The following IQGAP1 variants were observed in gnomAD, a reference collection of about 807,000 sequenced individuals.
IQGAP1 encodes the protein ras GTPase-activating-like protein IQGAP1.
Under a neutral mutation model 215.6 loss-of-function variants are expected in IQGAP1, and 66 were observed. The ratio of observed to expected loss-of-function variants is 0.31; its 90% CI spans 0.25 to 0.38. The LOEUF (loss-of-function observed/expected upper bound fraction) is 0.38. Among genes scored for constraint, IQGAP1 ranks in the 10% least tolerant of loss-of-function variants. The pLI, the probability that IQGAP1 is intolerant of heterozygous loss-of-function variation, is 1.00. For synonymous variants in IQGAP1, 772 were observed against 728.7 expected (o/e 1.06, Z -0.96); for missense variants, 1,712 against 1,997.1 (o/e 0.86, Z 2.72).
intron 30 of IQGAP1, among the ~76,000 whole-genome samples, chr15:90,485,040 G>A (rs980677928): frequency 1.3e-5 from 2 of 152,158 alleles, no homozygotes; most frequent in South Asian, 4.2e-4. Flanking sequence ...ACATGATCTA[G>A]AATACTAGCT....
At chr15:90,493,071 C>A (rs1966227831) in intron 35 of IQGAP1, among the ~76,000 whole-genome samples, 1 of 152,020 alleles carries the variant, frequency 6.6e-6, no homozygotes, top group African/African-American at 2.4e-5. Flanking sequence ...GGTGATACCC[C>A]ATCTCTACTA....
At chr15:90,401,860 A>C (rs1345739109) in intron 2 of IQGAP1, among the ~76,000 whole-genome samples, 1 of 152,224 alleles carries the variant, frequency 6.6e-6, no homozygotes, top group Non-Finnish European at 1.5e-5. Flanking sequence ...AAGCAGAATG[A>C]TGATGAAATT....
intron 2 of IQGAP1, among the ~76,000 whole-genome samples, chr15:90,395,467 C>A (rs985132193): frequency 6.6e-6 from 1 of 152,028 alleles, no homozygotes; most frequent in South Asian, 2.1e-4. Context: ...ACTACAGGCG[C>A]CCACCACCAC....
chr15:90,442,049 A>G (rs1596267884), intron 8 of IQGAP1, among the ~76,000 whole-genome samples: 2 of 152,328 alleles, frequency 1.3e-5, no homozygotes, highest in East Asian at 3.9e-4. Context: ...AATTTTATAT[A>G]AATAAAATTC....
intron 9 of IQGAP1, among the ~76,000 whole-genome samples, chr15:90,447,989 G>A (rs1326334004): frequency 6.6e-6 from 1 of 152,162 alleles, no homozygotes; most frequent in Non-Finnish European, 1.5e-5. Flanking sequence ...TGGGTGGAGT[G>A]TGTTCAGGAA....
At chr15:90,487,620 G>A in intron 33 of IQGAP1, 38 bp downstream of exon 33, 2 of 1,378,662 alleles carry the variant, frequency 1.5e-6, no homozygotes, top group Non-Finnish European at 2.1e-6. Flanking sequence ...TTGTTTGGTA[G>A]ATAAGCTCTC....
At chr15:90,455,949 A>G (rs1450599528) in intron 14 of IQGAP1, among the ~76,000 whole-genome samples, 1 of 152,214 alleles carries the variant, frequency 6.6e-6, no homozygotes, top group Non-Finnish European at 1.5e-5. Flanking sequence ...TGAGCATTCA[A>G]TAGGAATATG....
At chr15:90,407,633 C>T (rs898552519) in intron 2 of IQGAP1, among the ~76,000 whole-genome samples, 1 of 152,128 alleles carries the variant, frequency 6.6e-6, no homozygotes, top group African/African-American at 2.4e-5. Flanking sequence ...AGTATTTTCT[C>T]GTTATTTAAA....
rs571796712 is a variant in IQGAP1, at chr15:90,430,963, T to C, written c.390+1297T>C. On this transcript the variant is annotated intron_variant, in intron 4 of 37. Coordinates refer to ENST00000268182, the MANE Select transcript of IQGAP1 (RefSeq NM_003870.4). ...TTATACAATATATTACAATATAGAATATATTGTAATATAATTTTACAATAT... is the reference window on the plus strand; with the variant it reads ...TTATACAATATATTACAATATAGAACATATTGTAATATAATTTTACAATAT... Among the ~76,000 whole-genome samples the C allele has an allele frequency of 2.7e-5, 4 of 148,006 alleles. No individual in the cohort carries two copies. The East Asian group carries it at 7.8e-4, about 29-fold the overall frequency.
chr15:90,405,013 A>G (rs1161343447), intron 2 of IQGAP1, among the ~76,000 whole-genome samples: 3 of 152,218 alleles, frequency 2.0e-5, no homozygotes, highest in Non-Finnish European at 4.4e-5. Flanking sequence ...GAGATTATAT[A>G]AAAACATTCT....
intron 2 of IQGAP1, among the ~76,000 whole-genome samples, chr15:90,412,013 A>G (rs1177216232): frequency 1.3e-5 from 2 of 152,178 alleles, no homozygotes; most frequent in Non-Finnish European, 2.9e-5. Flanking sequence ...ACCCATCACT[A>G]TGATCTAGTT....
At chr15:90,456,480 C>G (rs760059819) in intron 15 of IQGAP1, among the ~76,000 whole-genome samples, 165 bp downstream of exon 15, 1 of 152,146 alleles carries the variant, frequency 6.6e-6, no homozygotes, top group East Asian at 1.9e-4. Context: ...ATAGGCTCCA[C>G]CTACTAGGAG....
rs533906778 is a variant in IQGAP1 at position 90,417,336 on chromosome 15, T to G, written c.156-8774T>G. Among the ~76,000 whole-genome samples, 336 of 152,328 alleles carry G rather than the reference T, an allele frequency of 2.2e-3. 1 individual carries two copies. The highest frequency in any genetic ancestry group is 7.8e-3 in the African/African-American group (323 of 41,572). On this transcript the variant is annotated intron_variant, in intron 2 of 37. Coordinates refer to ENST00000268182, the MANE Select transcript of IQGAP1 (RefSeq NM_003870.4). ...GGTTTTCTTCTAGGGTTTTTATGGTTTTAGGTCTAACATTTAAGTCTTTAA... is the reference window on the plus strand; with the variant it reads ...GGTTTTCTTCTAGGGTTTTTATGGTGTTAGGTCTAACATTTAAGTCTTTAA...
At chr15:90,471,529 C>T (rs1206645800) in intron 18 of IQGAP1, among the ~76,000 whole-genome samples, 2 of 147,182 alleles carry the variant, frequency 1.4e-5, no homozygotes, top group African/African-American at 2.6e-5. Context: ...AGCGGAGTTT[C>T]GCTCTTGTTG....
At position 90,501,276 on chromosome 15, in the gene IQGAP1, C is replaced by T. The variant is rs1163614007; in HGVS notation, c.*1168C>T. On this transcript the variant is annotated 3_prime_UTR_variant, in exon 38 of 38. Transcript: ENST00000268182. Reference sequence around the variant, plus strand: ...TTCTCCTTTTTTCTCTTGCTGCCCACATTGTGCCTTTATTTTATGAGCCCC... The same window carrying T: ...TTCTCCTTTTTTCTCTTGCTGCCCATATTGTGCCTTTATTTTATGAGCCCC... 6.6e-6 allele frequency: 1 copy of T among 151,384 alleles called. No homozygotes were observed. The highest frequency in any genetic ancestry group is 1.5e-5 in the Non-Finnish European group (1 of 67,948). The allele number at this position is 151,384 out of a possible 1,614,324, so 9.4% of individuals were successfully genotyped here.
intron 18 of IQGAP1, among the ~76,000 whole-genome samples, chr15:90,468,750 G>A (rs1965865971): frequency 6.6e-6 from 1 of 152,088 alleles, no homozygotes; most frequent in Non-Finnish European, 1.5e-5. Context: ...AGGATCACTT[G>A]AGCCCGGGAG....
intron 31 of IQGAP1, chr15:90,486,355 T>G (rs1411294011): frequency 2.8e-6 from 1 of 361,380 alleles, no homozygotes; most frequent in Admixed American, 4.5e-5. Context: ...GAAAAGATCA[T>G]TTTAAACGCA....
At position 90,492,673 on chromosome 15, in the gene IQGAP1, T is replaced by C; in HGVS notation, c.4590T>C (p.Tyr1530=). The C allele has an allele frequency of 6.2e-7, 1 of 1,612,908 alleles. No individual in the cohort carries two copies. Among genetic ancestry groups the C allele is most frequent in the South Asian group, 1.1e-5 (1 of 90,636 alleles). The change falls in exon 35 of 38, where the codon TAT becomes TAC. Residue 1530 remains tyrosine, a synonymous_variant. Coordinates refer to ENST00000268182, the MANE Select transcript of IQGAP1 (RefSeq NM_003870.4). ...YGEQVDYYKS[Y]IKTCLDNLAS... ...AGCAGGTGGATTACTATAAAAGCTA[T>C]ATCAAAACCTGCTTGGATAACTTAG... is the stretch of plus-strand genomic sequence containing the variant.
chr15:90,444,384 C>G (rs1457528995), intron 9 of IQGAP1, among the ~76,000 whole-genome samples: 1 of 151,634 alleles, frequency 6.6e-6, no homozygotes, highest in African/African-American at 2.4e-5. Context: ...TGGGCTCAAA[C>G]CATCCTTCTG....
Sources: allele counts gnomAD v4.1 joint callset (sites outside exome capture counted in the v4.1 genomes callset), GRCh38; gene constraint gnomAD v4.1.1; transcripts MANE v1.5; gene names NCBI Gene and HGNC (gene_info 2026-07-23, HGNC 2026-07-21).